The following DHTKD1 variants were observed in gnomAD, a reference collection of about 807,000 sequenced individuals.
DHTKD1 encodes 2-oxoadipate dehydrogenase complex component E1.
DHTKD1 carries 78 observed loss-of-function variants against 101.8 expected under a neutral mutation model. That is an observed-to-expected ratio of 0.77 (90% confidence interval 0.64 to 0.93). The LOEUF (loss-of-function observed/expected upper bound fraction) is 0.93. Ranked by LOEUF, DHTKD1 falls within the 40% of genes least tolerant of loss-of-function variation. The pLI is 0.00. For synonymous variants in DHTKD1, 462 were observed against 450.3 expected, an observed-to-expected ratio of 1.03 and a Z score of -0.33; for missense variants, 1,223 against 1,161.7, an observed-to-expected ratio of 1.05 and a Z score of -0.77.
intron 10 of DHTKD1, among the ~76,000 whole-genome samples, chr10:12,101,564 A>G (rs1001214734): frequency 1.3e-5 from 2 of 152,136 alleles, no homozygotes; most frequent in African/African-American, 4.8e-5. Flanking sequence ...CCTGTTCCCT[A>G]AGGTATGATT....
chr10:12,120,444 C>G, intron 16 of DHTKD1, 177 bp downstream of exon 16: 1 of 554,510 alleles, frequency 1.8e-6, no homozygotes, highest in Admixed American at 3.1e-5. Context: ...CGCCATTCTC[C>G]TGCCTCAGCC....
chr10:12,118,311 T>C (rs1833451669), intron 14 of DHTKD1, among the ~76,000 whole-genome samples: 1 of 151,826 alleles, frequency 6.6e-6, no homozygotes, highest in African/African-American at 2.4e-5. Flanking sequence ...TGAACTCGGC[T>C]GCAGAGACCC....
At chr10:12,113,236 C>T (rs559510109) in intron 13 of DHTKD1, among the ~76,000 whole-genome samples, 172 bp downstream of exon 13, 93 of 152,248 alleles carry the variant, frequency 6.1e-4, no homozygotes, top group African/African-American at 2.1e-3. Flanking sequence ...CTTGCTCTGT[C>T]GCCCAGGCTG....
At chr10:12,088,875 A>G in intron 4 of DHTKD1, 111 bp from the exon 5 acceptor site, 4 of 1,002,948 alleles carry the variant, frequency 4.0e-6, no homozygotes, top group Non-Finnish European at 4.5e-6. Context: ...ATAAGCCACC[A>G]CTCCTGGCTT....
At chr10:12,094,386 T>C (rs1455732635) in intron 7 of DHTKD1, 115 bp downstream of exon 7, 13 of 910,196 alleles carry the variant, frequency 1.4e-5, no homozygotes, top group Non-Finnish European at 1.9e-5. Flanking sequence ...AGCACGATCT[T>C]GGCTCACTGC....
At chr10:12,120,384 A>C in intron 16 of DHTKD1, 117 bp downstream of exon 16, 4 of 863,990 alleles carry the variant, frequency 4.6e-6, no homozygotes, top group Non-Finnish European at 7.2e-6. Context: ...CCCAGGCTGG[A>C]GTGCAGTGGC....
rs964390644 is a variant in DHTKD1 at position 12,103,864 on chromosome 10, A to T, written c.1897-2382A>T. On this transcript the variant is annotated intron_variant, in intron 10 of 16. Coordinates refer to ENST00000263035, the MANE Select transcript of DHTKD1 (RefSeq NM_018706.7). The surrounding 1 kb of genome is among the most constrained non-coding windows in gnomAD (Gnocchi z 4.8). ...TAAAAGCTTTATTGAGCTATAACTCATACAATTCAACCTCTCAGTGTGTAC... is the reference window on the plus strand; with the variant it reads ...TAAAAGCTTTATTGAGCTATAACTCTTACAATTCAACCTCTCAGTGTGTAC... 1.3e-5 allele frequency among the ~76,000 whole-genome samples: 2 copies of T among 152,144 alleles called. No individual in the cohort carries two copies. The highest frequency in any genetic ancestry group is 4.8e-5 in the African/African-American group (2 of 41,426).
chr10:12,100,158 T>TC lies in DHTKD1; in HGVS notation c.1672-19dup, dbSNP rs757436187. 3.4e-6 allele frequency: 5 copies of TC among 1,478,144 alleles called. No individual in the cohort carries two copies. The highest frequency in any genetic ancestry group is 1.2e-5 in the South Asian group (1 of 80,538). 91.6% of individuals were successfully genotyped at this position (1,478,144 alleles called of 1,614,324 possible). A position where few individuals can be genotyped will look rare whatever the true frequency, so the allele number is the denominator to read the frequency against. On this transcript the variant is annotated intron_variant, in intron 8 of 16. Coordinates refer to ENST00000263035, the MANE Select transcript of DHTKD1 (RefSeq NM_018706.7). ...TGGACTCTTAGACGTTCCTTTTTTT[T>TC]CTTCCTCTGAATTTTACAGTCCAGA... is the stretch of plus-strand genomic sequence containing the variant.
At chr10:12,119,611 G>A (rs567247835) in intron 15 of DHTKD1, among the ~76,000 whole-genome samples, 38 of 92,696 alleles carry the variant, frequency 4.1e-4, no homozygotes, top group South Asian at 3.8e-3. Flanking sequence ...GCGAGACTCC[G>A]TCTCAAAAAA....
intron 8 of DHTKD1, among the ~76,000 whole-genome samples, chr10:12,099,687 GA>G (rs1170709960): frequency 1.3e-5 from 2 of 150,964 alleles, no homozygotes; most frequent in African/African-American, 4.9e-5. Context: ...GACTGCCTCA[GA>G]AAAAAATAAA....
chr10:12,120,115 T>A, intron 15 of DHTKD1, 67 bp from the exon 16 acceptor site: 2 of 1,203,392 alleles, frequency 1.7e-6, no homozygotes, highest in Non-Finnish European at 2.5e-6. Context: ...GTAGGTGGGA[T>A]CATAGTAAAT....
Position 12,118,937 on chromosome 10 carries a change from T to C in DHTKD1, c.2572+19T>C, listed in dbSNP as rs201754313. ...GTTAAAGGTAAGAGGTTGTTCTCAT[T>C]TGGGTTTTGATGTTCAGATACCCAA... On this transcript the variant is annotated intron_variant, in intron 15 of 16. Coordinates refer to ENST00000263035, the MANE Select transcript of DHTKD1 (RefSeq NM_018706.7). The C allele has an allele frequency of 6.7e-6, 10 of 1,492,528 alleles. No individual in the cohort carries two copies. The East Asian group carries it at 2.5e-4, about 38-fold the overall frequency. The allele number at this position is 1,492,528 out of a possible 1,614,324, so 92.5% of individuals were successfully genotyped here.
chr10:12,106,952 G>T (rs1296444333), intron 11 of DHTKD1, among the ~76,000 whole-genome samples: 3 of 152,006 alleles, frequency 2.0e-5, no homozygotes, highest in East Asian at 3.9e-4. Flanking sequence ...TGTGTTGTCA[G>T]CTGGGCTGTG....
rs528873617 is a variant in DHTKD1 at position 12,103,041 on chromosome 10, G to T, written c.1896+1860G>T. On this transcript the variant is annotated intron_variant, in intron 10 of 16. Coordinates refer to ENST00000263035, the MANE Select transcript of DHTKD1 (RefSeq NM_018706.7). The surrounding 1 kb of genome is among the most constrained non-coding windows in gnomAD (Gnocchi z 4.8). ...AGTTCAACACTGGCCTGGCCAACAT[G>T]GCGAAACCCTGTCTCTACTAAAAAT... Among the ~76,000 whole-genome samples the T allele has an allele frequency of 1.3e-5, 2 of 152,308 alleles. No individual in the cohort carries two copies. The highest frequency in any genetic ancestry group is 4.1e-4 in the South Asian group (2 of 4,832).
chr10:12,079,537 A>G (rs144271794), intron 1 of DHTKD1, among the ~76,000 whole-genome samples: 3 of 152,026 alleles, frequency 2.0e-5, no homozygotes, highest in South Asian at 4.1e-4. Context: ...GTATGGTGGC[A>G]TGCACCTGTA....
intron 4 of DHTKD1, 109 bp from the exon 5 acceptor site, chr10:12,088,877 T>C: frequency 9.5e-7 from 1 of 1,054,284 alleles, no homozygotes; most frequent in African/African-American, 1.6e-5. Context: ...AAGCCACCAC[T>C]CCTGGCTTTA....
At chr10:12,079,038 A>T (rs1181341047) in intron 1 of DHTKD1, among the ~76,000 whole-genome samples, 1 of 152,092 alleles carries the variant, frequency 6.6e-6, no homozygotes, top group Non-Finnish European at 1.5e-5. Context: ...GCTCAGAGAG[A>T]AAGTAGACTG....
At chr10:12,086,933 T>A (rs1311209738) in intron 3 of DHTKD1, among the ~76,000 whole-genome samples, 1 of 152,044 alleles carries the variant, frequency 6.6e-6, no homozygotes, top group Non-Finnish European at 1.5e-5. Context: ...GTGATCCACC[T>A]GCCTTGGCCT....
intron 12 of DHTKD1, 88 bp from the exon 13 acceptor site, chr10:12,112,812 C>G (rs779041762): frequency 1.5e-5 from 20 of 1,298,334 alleles, no homozygotes; most frequent in Non-Finnish European, 2.1e-5. Context: ...TCAAGAACAC[C>G]TGTGTTTCCC....
Sources: allele counts gnomAD v4.1 joint callset (sites outside exome capture counted in the v4.1 genomes callset), GRCh38; gene constraint gnomAD v4.1.1; non-coding constraint Gnocchi (gnomAD v3.1); transcripts MANE v1.5; gene names NCBI Gene and HGNC (gene_info 2026-07-23, HGNC 2026-07-21).